LIPC: variants seen among roughly 807,000 people sequenced by gnomAD.
LIPC encodes lipase C, hepatic type.
In LIPC, 44 loss-of-function variants were observed where a neutral mutation model predicts 50.7. The observed-to-expected ratio is 0.87, with a 90% CI of 0.68 to 1.11. The LOEUF (loss-of-function observed/expected upper bound fraction) is 1.11, where lower values mean the gene tolerates loss of function less well. LIPC is among the 50% of genes most tolerant of loss of function. The pLI, the probability that LIPC is intolerant of heterozygous loss-of-function variation, is 0.00. For missense variants in LIPC, 697 were observed against 648.2 expected, an observed-to-expected ratio of 1.08 and a Z score of -0.82; for synonymous variants, 271 against 256.4, an observed-to-expected ratio of 1.06 and a Z score of -0.54.
At chr15:58,464,495 CAT>C (rs1894467804) in intron 1 of LIPC, among the ~76,000 whole-genome samples, 2 of 152,230 alleles carry the variant, frequency 1.3e-5, no homozygotes, top group Non-Finnish European at 2.9e-5. Flanking sequence ...GGTTTAAAGA[CAT>C]ATAAACATTA....
chr15:58,462,639 C>A (rs568172377), intron 1 of LIPC, among the ~76,000 whole-genome samples: 1 of 152,286 alleles, frequency 6.6e-6, no homozygotes, highest in South Asian at 2.1e-4. Context: ...TGAGAGGAAC[C>A]AAAGCCAGCA....
intron 1 of LIPC, among the ~76,000 whole-genome samples, chr15:58,507,623 A>G (rs920304288): frequency 6.6e-6 from 1 of 152,242 alleles, no homozygotes; most frequent in Admixed American, 6.5e-5. Flanking sequence ...TTCAGCTTGT[A>G]CAATTCTGGA....
At chr15:58,538,986 T>G (rs1333064245) in intron 2 of LIPC, among the ~76,000 whole-genome samples, 1 of 152,240 alleles carries the variant, frequency 6.6e-6, no homozygotes, top group Non-Finnish European at 1.5e-5. Flanking sequence ...TCGCAAAATA[T>G]TCCAAAGATA....
At chr15:58,560,257 CA>C (rs1200720077) in intron 6 of LIPC, among the ~76,000 whole-genome samples, 2 of 152,150 alleles carry the variant, frequency 1.3e-5, no homozygotes, top group African/African-American at 4.8e-5. Context: ...TGTGATAAAA[CA>C]GAAAGATTTT....
chr15:58,506,878 AC>A (rs1892167774), intron 1 of LIPC, among the ~76,000 whole-genome samples: 1 of 152,240 alleles, frequency 6.6e-6, no homozygotes, highest in Non-Finnish European at 1.5e-5. Flanking sequence ...TAACTGACTC[AC>A]AGTTCAGCAT....
intron 1 of LIPC, among the ~76,000 whole-genome samples, chr15:58,442,935 C>T (rs1484252795): frequency 6.6e-6 from 1 of 152,152 alleles, no homozygotes; most frequent in Non-Finnish European, 1.5e-5. Context: ...TTTGGTTTTT[C>T]TGAGTCTCGC....
intron 6 of LIPC, among the ~76,000 whole-genome samples, chr15:58,553,859 G>C (rs1443525923): frequency 6.6e-6 from 1 of 152,038 alleles, no homozygotes; most frequent in African/African-American, 2.4e-5. Flanking sequence ...CACCATCCTG[G>C]GCCCCTCAAT....
chr15:58,452,225 C>G (rs548081949), intron 1 of LIPC, among the ~76,000 whole-genome samples: 1 of 152,324 alleles, frequency 6.6e-6, no homozygotes, highest in South Asian at 2.1e-4. Context: ...CTCCATCCCA[C>G]TCAAGACCTC....
intron 8 of LIPC, chr15:58,565,178 G>C: frequency 1.3e-6 from 2 of 1,534,904 alleles, no homozygotes; most frequent in Non-Finnish European, 1.7e-6. Flanking sequence ...TCTGCCAACA[G>C]ATCTCCCAAC....
chr15:58,558,869 C>T (rs1595953483), intron 6 of LIPC, among the ~76,000 whole-genome samples: 1 of 152,206 alleles, frequency 6.6e-6, no homozygotes, highest in Non-Finnish European at 1.5e-5. Flanking sequence ...GTATTTGGCT[C>T]TTGTTGTGAA....
At chr15:58,434,642 C>T (rs1008673723) in intron 1 of LIPC, among the ~76,000 whole-genome samples, 11 of 152,256 alleles carry the variant, frequency 7.2e-5, no homozygotes, top group African/African-American at 2.4e-5. Context: ...ACAGTTGTTC[C>T]TGCCCTTCAG....
chr15:58,548,291 G>A (rs760898380), intron 5 of LIPC, 39 bp from the exon 6 acceptor site: 1 of 1,613,606 alleles, frequency 6.2e-7, no homozygotes, highest in Non-Finnish European at 8.5e-7. Context: ...GCTGCTTTGG[G>A]TTAAGGGGTG....
At chr15:58,514,220 G>T (rs889959678) in intron 1 of LIPC, among the ~76,000 whole-genome samples, 1 of 152,262 alleles carries the variant, frequency 6.6e-6, no homozygotes, top group African/African-American at 2.4e-5. Context: ...CACGCTTCTC[G>T]CCCTTTCTAA....
chr15:58,545,065 A>G (rs1253960933), intron 4 of LIPC, among the ~76,000 whole-genome samples: 2 of 152,188 alleles, frequency 1.3e-5, no homozygotes, highest in African/African-American at 4.8e-5. Flanking sequence ...GTTTAGGGAA[A>G]TTATTGACAA....
At chr15:58,537,824 G>C (rs758034023) in intron 1 of LIPC, among the ~76,000 whole-genome samples, 1 of 152,076 alleles carries the variant, frequency 6.6e-6, no homozygotes, top group Non-Finnish European at 1.5e-5. Context: ...TCCCTGCAAG[G>C]CTTACCTGAT....
intron 1 of LIPC, among the ~76,000 whole-genome samples, chr15:58,458,604 T>C (rs1894221983): frequency 6.6e-6 from 1 of 152,224 alleles, no homozygotes; most frequent in Non-Finnish European, 1.5e-5. Context: ...CCCCGTTATC[T>C]TGGGTGCTTT....
chr15:58,439,388 G>A (rs1279990499), intron 1 of LIPC, among the ~76,000 whole-genome samples: 1 of 152,198 alleles, frequency 6.6e-6, no homozygotes, highest in Non-Finnish European at 1.5e-5. Flanking sequence ...AGTTTGACTA[G>A]ATCAGTGATC....
At chr15:58,471,589 G>C (rs531660216) in intron 1 of LIPC, among the ~76,000 whole-genome samples, 2 of 152,202 alleles carry the variant, frequency 1.3e-5, no homozygotes, top group Admixed American at 1.3e-4. Context: ...CATGGCAGCA[G>C]CAAGAGGCAG....
intron 1 of LIPC, among the ~76,000 whole-genome samples, chr15:58,505,314 T>C (rs561492378): frequency 6.6e-6 from 1 of 152,244 alleles, no homozygotes; most frequent in Admixed American, 6.5e-5. Context: ...CTCAGGCAAG[T>C]GGGATAATCC....
Sources: allele counts gnomAD v4.1 joint callset (sites outside exome capture counted in the v4.1 genomes callset), GRCh38; gene constraint gnomAD v4.1.1; transcripts MANE v1.5; gene names NCBI Gene and HGNC (gene_info 2026-07-23, HGNC 2026-07-21).